Variants in PTPN4 observed in about 807,000 individuals in gnomAD.
PTPN4 encodes protein tyrosine phosphatase non-receptor type 4.
Under a neutral mutation model 135.5 loss-of-function variants are expected in PTPN4, and 49 were observed. The observed-to-expected ratio is 0.36, with a 90% confidence interval of 0.29 to 0.46. The LOEUF (loss-of-function observed/expected upper bound fraction) is 0.46. Among genes scored for constraint, PTPN4 ranks in the 20% least tolerant of loss-of-function variants. The probability of loss-of-function intolerance (pLI) is 1.00; values close to 1 mark genes in which losing one functional copy is unlikely to be tolerated. For missense variants in PTPN4, 860 were observed against 1,101.0 expected, an observed-to-expected ratio of 0.78 and a Z score of 3.10; for synonymous variants, 333 against 369.9, an observed-to-expected ratio of 0.90 and a Z score of 1.14.
intron 9 of PTPN4, among the ~76,000 whole-genome samples, chr2:119,891,602 G>A (rs1217530470): frequency 6.6e-6 from 1 of 152,114 alleles, no homozygotes; most frequent in Non-Finnish European, 1.5e-5. Context: ...GGGATTACAG[G>A]CATGAAACAG....
In PTPN4 at chr2:119,823,537, T is replaced by C. The variant is rs899465075; in HGVS notation, c.138+13546T>C. On this transcript the variant is annotated intron_variant, in intron 2 of 26. Coordinates refer to ENST00000263708, the MANE Select transcript of PTPN4 (RefSeq NM_002830.4). ...CGTGAGCCACCGTGCCCAGCCCATC[T>C]GTTTCTTACATATCAGTATTCCTTG... 7.3e-5 allele frequency among the ~76,000 whole-genome samples: 11 copies of C among 150,076 alleles called. No homozygotes were observed. The South Asian group carries it at 2.3e-3, about 31-fold the overall frequency.
intron 9 of PTPN4, among the ~76,000 whole-genome samples, chr2:119,888,179 G>C (rs1479624753): frequency 6.6e-6 from 1 of 152,112 alleles, no homozygotes; most frequent in Non-Finnish European, 1.5e-5. Context: ...TTGATGTATA[G>C]AAGTGCTGCT....
At chr2:119,828,698 T>C (rs758698200) in intron 2 of PTPN4, among the ~76,000 whole-genome samples, 1 of 152,220 alleles carries the variant, frequency 6.6e-6, no homozygotes, top group Non-Finnish European at 1.5e-5. Flanking sequence ...AAATACCTTA[T>C]ATTTTAAAAT....
chr2:119,875,637 G>A (rs1213242000), intron 3 of PTPN4, among the ~76,000 whole-genome samples: 1 of 152,128 alleles, frequency 6.6e-6, no homozygotes, highest in Non-Finnish European at 1.5e-5. Flanking sequence ...TCATTCAGCA[G>A]GTTTAGTCCT....
At chr2:119,955,713 G>A (rs988160123) in intron 20 of PTPN4, among the ~76,000 whole-genome samples, 4 of 152,112 alleles carry the variant, frequency 2.6e-5, no homozygotes, top group African/African-American at 4.8e-5. Context: ...CGAGGCGGGC[G>A]GATCACAAGG....
At chr2:119,937,491 GT>G (rs895281929) in intron 15 of PTPN4, among the ~76,000 whole-genome samples, 2 of 152,208 alleles carry the variant, frequency 1.3e-5, no homozygotes, top group Non-Finnish European at 2.9e-5. Flanking sequence ...AACACAGCAT[GT>G]GAATTGGATG....
intron 18 of PTPN4, among the ~76,000 whole-genome samples, chr2:119,951,414 G>T (rs1679209479): frequency 6.6e-6 from 1 of 152,070 alleles, no homozygotes; most frequent in African/African-American, 2.4e-5. Flanking sequence ...TTTAATATGG[G>T]TTTATCACTG....
intron 1 of PTPN4, among the ~76,000 whole-genome samples, chr2:119,804,833 T>C (rs1451048248): frequency 6.6e-6 from 1 of 152,238 alleles, no homozygotes; most frequent in Non-Finnish European, 1.5e-5. Context: ...TTTCTAGTTC[T>C]AGATCCTTGA....
intron 18 of PTPN4, among the ~76,000 whole-genome samples, chr2:119,947,307 G>A (rs899094271): frequency 6.6e-6 from 1 of 152,136 alleles, no homozygotes; most frequent in Admixed American, 6.5e-5. Context: ...AGAGAGGGAG[G>A]CCAGCTATGC....
intron 15 of PTPN4, among the ~76,000 whole-genome samples, chr2:119,935,459 A>G (rs1162445265): frequency 1.4e-4 from 22 of 152,148 alleles, no homozygotes; most frequent in Admixed American, 1.4e-3. Context: ...GAGTGGGCCC[A>G]AGAGTGGTAG....
intron 10 of PTPN4, among the ~76,000 whole-genome samples, chr2:119,911,062 C>A (rs1002019910): frequency 1.3e-5 from 2 of 152,086 alleles, no homozygotes; most frequent in African/African-American, 4.8e-5. Flanking sequence ...CATTAGAACT[C>A]CAGGCCCCTT....
intron 26 of PTPN4, among the ~76,000 whole-genome samples, chr2:119,971,491 G>A (rs187753596): frequency 1.2e-4 from 18 of 152,286 alleles, no homozygotes; most frequent in Admixed American, 5.9e-4. Flanking sequence ...TTGGAGAACT[G>A]TTCAAATCTT....
intron 16 of PTPN4, among the ~76,000 whole-genome samples, 153 bp downstream of exon 16, chr2:119,945,393 G>A (rs1558771269): frequency 6.6e-6 from 1 of 151,982 alleles, no homozygotes. Flanking sequence ...GTGCCATGAT[G>A]TATCTCAATA....
At chr2:119,840,139 G>A (rs1195438291) in intron 2 of PTPN4, among the ~76,000 whole-genome samples, 6 of 152,208 alleles carry the variant, frequency 3.9e-5, no homozygotes, top group South Asian at 4.1e-4. Flanking sequence ...TAAGTTCAGC[G>A]ATACACGTGC....
intron 12 of PTPN4, among the ~76,000 whole-genome samples, chr2:119,922,885 A>G (rs898271203): frequency 5.9e-5 from 9 of 152,208 alleles, no homozygotes; most frequent in African/African-American, 1.9e-4. Flanking sequence ...TGAGCAAGAT[A>G]TGGTAGTTTC....
chr2:119,933,507 C>T (rs150231387), intron 14 of PTPN4, among the ~76,000 whole-genome samples: 58 of 151,858 alleles, frequency 3.8e-4, no homozygotes, highest in African/African-American at 1.3e-3. Context: ...AGTGAAACCC[C>T]ATCTTTACAA....
intron 3 of PTPN4, among the ~76,000 whole-genome samples, chr2:119,868,856 G>T (rs1175782681): frequency 6.6e-6 from 1 of 152,092 alleles, no homozygotes; most frequent in Non-Finnish European, 1.5e-5. Flanking sequence ...AGCTCTGAAG[G>T]CTGTGAGACC....
intron 1 of PTPN4, among the ~76,000 whole-genome samples, chr2:119,771,103 C>G (rs1690726031): frequency 6.6e-6 from 1 of 152,140 alleles, no homozygotes; most frequent in Non-Finnish European, 1.5e-5. Flanking sequence ...CCTTGAGACT[C>G]CCATGCTGTG....
chr2:119,958,900 G>A (rs1276598108), intron 22 of PTPN4, among the ~76,000 whole-genome samples: 2 of 151,974 alleles, frequency 1.3e-5, no homozygotes, highest in Admixed American at 6.5e-5. Flanking sequence ...ACACTAGTCA[G>A]CACTTTAAAA....
Sources: allele counts gnomAD v4.1 joint callset (sites outside exome capture counted in the v4.1 genomes callset), GRCh38; gene constraint gnomAD v4.1.1; transcripts MANE v1.5; gene names NCBI Gene and HGNC (gene_info 2026-07-23, HGNC 2026-07-21).